HIRA: variants seen among roughly 807,000 people sequenced by gnomAD.
HIRA encodes protein HIRA.
HIRA carries 13 observed loss-of-function variants against 126.6 expected under a neutral mutation model. That is an observed-to-expected ratio of 0.10 (90% confidence interval 0.07 to 0.16). The LOEUF (loss-of-function observed/expected upper bound fraction) is 0.16. Ranked by LOEUF, HIRA falls within the 10% of genes least tolerant of loss-of-function variation. The probability of loss-of-function intolerance (pLI) is 1.00; values close to 1 mark genes in which losing one functional copy is unlikely to be tolerated. For synonymous variants in HIRA, 511 were observed against 520.0 expected, an observed-to-expected ratio of 0.98 and a Z score of 0.24; for missense variants, 834 against 1,314.4, an observed-to-expected ratio of 0.63 and a Z score of 5.65.
At chr22:19,416,361 T>C (rs1258820733) in intron 1 of HIRA, among the ~76,000 whole-genome samples, 1 of 152,082 alleles carries the variant, frequency 6.6e-6, no homozygotes, top group Admixed American at 6.6e-5. Flanking sequence ...CCTCATTCTG[T>C]CGCCCAGGCT....
chr22:19,348,063 G>A (rs1277095418), intron 24 of HIRA, among the ~76,000 whole-genome samples: 2 of 152,176 alleles, frequency 1.3e-5, no homozygotes, highest in East Asian at 1.9e-4. Flanking sequence ...TAGAATAAGC[G>A]TCAACTGGAA....
chr22:19,420,383 T>C (rs2089434614), intron 1 of HIRA, among the ~76,000 whole-genome samples: 3 of 149,086 alleles, frequency 2.0e-5, no homozygotes, highest in Non-Finnish European at 1.5e-5. Flanking sequence ...GGAGGATCTA[T>C]TGAGCTCGGG....
intron 15 of HIRA, among the ~76,000 whole-genome samples, chr22:19,363,323 G>A (rs944210802): frequency 9.9e-5 from 15 of 151,896 alleles, no homozygotes; most frequent in African/African-American, 3.4e-4. Context: ...CAGATTAATA[G>A]TAGGTGGACA....
chr22:19,391,608 G>A (rs2146225243), intron 9 of HIRA, among the ~76,000 whole-genome samples: 1 of 151,832 alleles, frequency 6.6e-6, no homozygotes, highest in Non-Finnish European at 1.5e-5. Flanking sequence ...AGCCTCCCGA[G>A]TAGCTGGGAC....
At chr22:19,428,632 T>C (rs2089506734) in intron 1 of HIRA, among the ~76,000 whole-genome samples, 1 of 152,102 alleles carries the variant, frequency 6.6e-6, no homozygotes, top group African/African-American at 2.4e-5. Flanking sequence ...ACTTCCCCCT[T>C]TAGACTCTCG....
chr22:19,426,844 T>C lies in HIRA; in HGVS notation c.37+4596A>G, dbSNP rs577621717. Among the ~76,000 whole-genome samples, 35 of 152,322 alleles carry C rather than the reference T, an allele frequency of 2.3e-4. 1 individual carries two copies. The highest frequency in any genetic ancestry group is 7.7e-4 in the African/African-American group (32 of 41,560). ...TCAGGAGAGAAATTGCTGAGAGAAT[T>C]TGCATTTTCTGAGCTACCACATGGA... On this transcript the variant is annotated intron_variant, in intron 1 of 24. Transcript: ENST00000263208.
chr22:19,414,133 T>C (rs1217025999), intron 1 of HIRA, among the ~76,000 whole-genome samples: 1 of 152,150 alleles, frequency 6.6e-6, no homozygotes, highest in East Asian at 1.9e-4. Context: ...TCACCTATCC[T>C]TAGATCAACC....
chr22:19,383,584 G>A (rs374627242), intron 13 of HIRA, 36 bp downstream of exon 13: 40 of 1,524,836 alleles, frequency 2.6e-5, no homozygotes, highest in South Asian at 2.6e-4. Context: ...GGAAGATCTC[G>A]CCAGATAAGA....
At chr22:19,358,520 CCTGGGA>C (rs2088834773) in intron 18 of HIRA, among the ~76,000 whole-genome samples, 1 of 152,050 alleles carries the variant, frequency 6.6e-6, no homozygotes, top group Admixed American at 6.5e-5. Flanking sequence ...TACACAGGTG[CCTGGGA>C]CTGGGAATTT....
intron 1 of HIRA, among the ~76,000 whole-genome samples, chr22:19,416,832 T>C (rs754882396): frequency 4.1e-4 from 62 of 152,214 alleles, no homozygotes; most frequent in Non-Finnish European, 4.0e-4. Flanking sequence ...CCAGAATATA[T>C]AGAGAAATCC....
At chr22:19,431,351 G>A (rs2089537036) in intron 1 of HIRA, 89 bp downstream of exon 1, 1 of 1,439,222 alleles carries the variant, frequency 6.9e-7, no homozygotes. Context: ...TCAGGGGCGA[G>A]ACAGGCAGGA....
chr22:19,396,471 G>A (rs775281820), intron 7 of HIRA, among the ~76,000 whole-genome samples: 1 of 152,194 alleles, frequency 6.6e-6, no homozygotes, highest in African/African-American at 2.4e-5. Context: ...AGCTGAGATC[G>A]TGCCACTGCA....
chr22:19,391,593 G>A (rs865863179), intron 9 of HIRA, among the ~76,000 whole-genome samples: 4 of 150,654 alleles, frequency 2.7e-5, no homozygotes, highest in Middle Eastern at 3.4e-3. Flanking sequence ...GCCATTCTCC[G>A]TCTCAGCCTC....
At chr22:19,395,312 C>T (rs192388800) in intron 7 of HIRA, among the ~76,000 whole-genome samples, 2 of 152,120 alleles carry the variant, frequency 1.3e-5, no homozygotes, top group African/African-American at 4.8e-5. Flanking sequence ...TCACCCACCT[C>T]AGCTCTCAGC....
At chr22:19,357,920 C>T (rs1383356685) in intron 18 of HIRA, among the ~76,000 whole-genome samples, 2 of 152,216 alleles carry the variant, frequency 1.3e-5, no homozygotes, top group African/African-American at 4.8e-5. Context: ...CTTTTGTTTA[C>T]AAATGTTTAC....
chr22:19,383,594 A>T, intron 13 of HIRA, 26 bp downstream of exon 13: 3 of 1,577,916 alleles, frequency 1.9e-6, no homozygotes, highest in Non-Finnish European at 2.6e-6. Flanking sequence ...GCCAGATAAG[A>T]CCATGAAAGG....
intron 1 of HIRA, among the ~76,000 whole-genome samples, chr22:19,423,565 T>G (rs1228056404): frequency 6.6e-6 from 1 of 151,974 alleles, no homozygotes; most frequent in Admixed American, 6.6e-5. Context: ...TTATCAACTG[T>G]TTTTTCCATG....
chr22:19,387,658 C>T, intron 11 of HIRA, 53 bp downstream of exon 11: 1 of 1,355,964 alleles, frequency 7.4e-7, no homozygotes, highest in South Asian at 1.2e-5. Context: ...TCTCTCAGAG[C>T]TATTGTGGCA....
chr22:19,380,559 T>C (rs1427549736), intron 13 of HIRA, among the ~76,000 whole-genome samples: 5 of 152,228 alleles, frequency 3.3e-5, no homozygotes, highest in Non-Finnish European at 5.9e-5. Flanking sequence ...TGGCTAATCT[T>C]CTTTTTCAGA....
Sources: allele counts gnomAD v4.1 joint callset (sites outside exome capture counted in the v4.1 genomes callset), GRCh38; gene constraint gnomAD v4.1.1; transcripts MANE v1.5; gene names NCBI Gene and HGNC (gene_info 2026-07-23, HGNC 2026-07-21).